Variants in RAP1GDS1 observed in about 807,000 individuals in gnomAD.
RAP1GDS1 encodes the protein Rap1 GTPase-GDP dissociation stimulator 1, also known as RAP1, GTP-GDP dissociation stimulator 1.
Under a neutral mutation model 71.1 loss-of-function variants are expected in RAP1GDS1, and 35 were observed. That is an observed-to-expected ratio of 0.49 (90% CI 0.38 to 0.65). The LOEUF (loss-of-function observed/expected upper bound fraction) is 0.65. Among genes scored for constraint, RAP1GDS1 ranks in the 30% least tolerant of loss-of-function variants. The pLI is 0.00. For synonymous variants in RAP1GDS1, 229 were observed against 243.1 expected, an observed-to-expected ratio of 0.94 and a Z score of 0.54; for missense variants, 663 against 706.1, an observed-to-expected ratio of 0.94 and a Z score of 0.69.
intron 4 of RAP1GDS1, among the ~76,000 whole-genome samples, chr4:98,362,359 C>T (rs780981354): frequency 6.6e-6 from 1 of 152,050 alleles, no homozygotes; most frequent in Non-Finnish European, 1.5e-5. Flanking sequence ...CTTCTGTAGT[C>T]CTGCTACTCA....
At chr4:98,441,818 A>AAAT (rs1383204320) in intron 14 of RAP1GDS1, among the ~76,000 whole-genome samples, 172 bp from the exon 15 acceptor site, 1 of 152,206 alleles carries the variant, frequency 6.6e-6, no homozygotes, top group Non-Finnish European at 1.5e-5. Context: ...TGATTTTTTT[A>AAAT]AATTATAATA....
At chr4:98,424,187 T>C (rs1749287783) in intron 12 of RAP1GDS1, among the ~76,000 whole-genome samples, 1 of 152,074 alleles carries the variant, frequency 6.6e-6, no homozygotes, top group Non-Finnish European at 1.5e-5. Context: ...TAAAACACTA[T>C]AGGAAGAGGT....
intron 3 of RAP1GDS1, among the ~76,000 whole-genome samples, chr4:98,349,950 T>G (rs1389972815): frequency 6.6e-6 from 1 of 152,096 alleles, no homozygotes; most frequent in Non-Finnish European, 1.5e-5. Flanking sequence ...AGCAAATGAG[T>G]TTTAGAAGAA....
chr4:98,417,381 A>G lies in RAP1GDS1; in HGVS notation c.922A>G (p.Lys308Glu). ...TTTACCTCCAGATGAATCCATGCAG[A>G]AGTTATTTGAAGGAGGAAAAGGTAG... ...LLLLGDESMQ[K>E]LFEGGKGSVF... The change falls in exon 9 of 15, where the codon AAG becomes GAG. Residue 308 changes from lysine to glutamate, a missense_variant. Coordinates refer to ENST00000408927, the MANE Select transcript of RAP1GDS1 (RefSeq NM_001100427.2). The G allele has an allele frequency of 1.2e-6, 2 of 1,612,546 alleles. No individual in the cohort carries two copies. The highest frequency in any genetic ancestry group is 1.7e-6 in the Non-Finnish European group (2 of 1,178,858).
intron 2 of RAP1GDS1, among the ~76,000 whole-genome samples, chr4:98,313,677 G>A (rs759078727): frequency 6.4e-4 from 97 of 151,994 alleles, no homozygotes; most frequent in Non-Finnish European, 9.9e-4. Flanking sequence ...AGACCTCATC[G>A]CCACAAAAAA....
intron 3 of RAP1GDS1, among the ~76,000 whole-genome samples, chr4:98,349,080 C>T (rs1297761955): frequency 6.6e-6 from 1 of 152,108 alleles, no homozygotes; most frequent in Non-Finnish European, 1.5e-5. Context: ...AGGTTTTCTT[C>T]TAGGGTTTTT....
chr4:98,280,867 A>G lies in RAP1GDS1; in HGVS notation c.5-12541A>G, dbSNP rs78223759. On this transcript the variant is annotated intron_variant, in intron 1 of 14. Coordinates refer to ENST00000408927, the MANE Select transcript of RAP1GDS1 (RefSeq NM_001100427.2). The stretch of plus-strand genomic sequence containing the variant: ...CCCAGCACCGTTTATTAAATAGGGA[A>G]TCCTTTCCCCATTTCTTGTTTTTCT... 5.7e-3 allele frequency among the ~76,000 whole-genome samples: 865 copies of G among 152,274 alleles called. 1 individual carries two copies. The highest frequency in any genetic ancestry group is 9.0e-3 in the Non-Finnish European group (609 of 68,022).
intron 1 of RAP1GDS1, among the ~76,000 whole-genome samples, chr4:98,288,878 G>A (rs896010005): frequency 2.6e-5 from 4 of 152,114 alleles, no homozygotes; most frequent in Non-Finnish European, 4.4e-5. Flanking sequence ...ATCTGTAGCC[G>A]CAGCAGCAGT....
intron 2 of RAP1GDS1, among the ~76,000 whole-genome samples, chr4:98,302,586 A>G (rs1269922205): frequency 6.6e-6 from 1 of 152,234 alleles, no homozygotes; most frequent in Non-Finnish European, 1.5e-5. Flanking sequence ...CTAAAAGTAA[A>G]GGAAGACCAG....
chr4:98,340,755 G>GA (rs1333494152), intron 2 of RAP1GDS1, among the ~76,000 whole-genome samples: 6 of 151,068 alleles, frequency 4.0e-5, no homozygotes, highest in East Asian at 1.9e-4. Context: ...TCTCAAAAAA[G>GA]AAAAAATATA....
chr4:98,402,021 A>G (rs2110149694), intron 6 of RAP1GDS1, among the ~76,000 whole-genome samples: 1 of 152,304 alleles, frequency 6.6e-6, no homozygotes, highest in South Asian at 2.1e-4. Flanking sequence ...TCTCTGAAGC[A>G]GAGGGATAAC....
At position 98,442,132 on chromosome 4, in the gene RAP1GDS1, A is replaced by G. The variant is rs1445921075; in HGVS notation, c.*15A>G. Reference sequence around the variant, plus strand: ...TGGAAAGCTGAGAACTGCCCGATACACGGCATCATCCCATCTCTAATTTCC... The same window carrying G: ...TGGAAAGCTGAGAACTGCCCGATACGCGGCATCATCCCATCTCTAATTTCC... On this transcript the variant is annotated 3_prime_UTR_variant, in exon 15 of 15. Coordinates refer to ENST00000408927, the MANE Select transcript of RAP1GDS1 (RefSeq NM_001100427.2). 1 of 1,610,596 alleles carries G rather than the reference A, an allele frequency of 6.2e-7. No homozygotes were observed. Among genetic ancestry groups the G allele is most frequent in the Non-Finnish European group, 8.5e-7 (1 of 1,179,378 alleles).
intron 5 of RAP1GDS1, among the ~76,000 whole-genome samples, chr4:98,385,849 C>T (rs1239291757): frequency 6.6e-6 from 1 of 151,664 alleles, no homozygotes; most frequent in Non-Finnish European, 1.5e-5. Flanking sequence ...GAAGGGATTT[C>T]TATGTTTTTA....
At chr4:98,267,522 A>G (rs1053102546) in intron 1 of RAP1GDS1, among the ~76,000 whole-genome samples, 3 of 151,996 alleles carry the variant, frequency 2.0e-5, no homozygotes, top group Admixed American at 6.6e-5. Context: ...AGTCCCCAGT[A>G]TCTGTTGTTC....
chr4:98,329,065 GAT>G (rs1246011812), intron 2 of RAP1GDS1, among the ~76,000 whole-genome samples: 1 of 152,162 alleles, frequency 6.6e-6, no homozygotes, highest in Non-Finnish European at 1.5e-5. Context: ...TCTCAAATAT[GAT>G]ATTTCAGTCA....
At chr4:98,439,210 C>G (rs1458674972) in intron 14 of RAP1GDS1, among the ~76,000 whole-genome samples, 2 of 152,152 alleles carry the variant, frequency 1.3e-5, no homozygotes, top group Admixed American at 1.3e-4. Context: ...TCTGGGTTCA[C>G]AGTTCTTTTC....
chr4:98,281,295 C>T (rs976825418), intron 1 of RAP1GDS1, among the ~76,000 whole-genome samples: 24 of 152,088 alleles, frequency 1.6e-4, no homozygotes, highest in Non-Finnish European at 2.4e-4. Context: ...TGTTGAGCAG[C>T]GGTTTGTAGT....
chr4:98,261,817 C>G (rs576480946), intron 1 of RAP1GDS1, among the ~76,000 whole-genome samples: 1 of 152,086 alleles, frequency 6.6e-6, no homozygotes, highest in African/African-American at 2.4e-5. Context: ...TCCCCGGCAC[C>G]TCGCAGCCTC....
At chr4:98,387,602 C>T (rs1039979847) in intron 5 of RAP1GDS1, 2 of 376,572 alleles carry the variant, frequency 5.3e-6, no homozygotes, top group African/African-American at 4.2e-5. Context: ...TCCTCTTCCT[C>T]CCCATAGATC....
Sources: gnomAD v4.1 joint callset for allele counts (sites outside exome capture counted in the v4.1 genomes callset) on GRCh38, gnomAD v4.1.1 for gene constraint, MANE v1.5 for transcripts, NCBI Gene and HGNC (gene_info 2026-07-23, HGNC 2026-07-21) for gene names.